The following ERGIC1 variants were observed in gnomAD, a reference collection of about 807,000 sequenced individuals.
The protein encoded by ERGIC1 is endoplasmic reticulum-golgi intermediate compartment 1, also known as endoplasmic reticulum-Golgi intermediate compartment protein 1.
In ERGIC1, 19 loss-of-function variants were observed where a neutral mutation model predicts 38.3. That is an observed-to-expected ratio of 0.50 (90% CI 0.35 to 0.73). The LOEUF (loss-of-function observed/expected upper bound fraction) is 0.73. Ranked by LOEUF, ERGIC1 falls within the 30% of genes least tolerant of loss-of-function variation. The pLI is 0.01. For missense variants in ERGIC1, 294 were observed against 389.2 expected, an observed-to-expected ratio of 0.76 and a Z score of 2.06; for synonymous variants, 124 against 157.6, an observed-to-expected ratio of 0.79 and a Z score of 1.60.
chr5:172,893,935 G>GTGTATATATA (rs1429850022), intron 2 of ERGIC1, among the ~76,000 whole-genome samples: 1 of 42,826 alleles, frequency 2.3e-5, no homozygotes, highest in Non-Finnish European at 4.6e-5. Context: ...GTGTGTGTGT[G>GTGTATATATA]TATATATATA....
Position 172,926,557 on chromosome 5 carries a change from C to G in ERGIC1, c.529C>G (p.Leu177Val). ...CAATGCTCTCGGGGGAGCAGACAGA[C>G]TCACCTCCAACCGTATGTATCCCTG... Reference protein sequence around the residue: ...AFNALGGADRLTSNPLASHDY... With the variant: ...AFNALGGADRVTSNPLASHDY... The change falls in exon 7 of 10, where the codon CTC (leucine) becomes GTC (valine). Residue 177 changes from leucine (L) to valine (V), a missense_variant. This residue lies in a region of ERGIC1 where 109 missense variants were observed against 112.7 expected (regional missense o/e 0.97). Transcript: ENST00000393784. The surrounding 1 kb of genome is among the most constrained non-coding windows in gnomAD (Gnocchi z 5.2). The G allele has an allele frequency of 1.2e-6, 2 of 1,612,752 alleles. No homozygotes were observed. Among genetic ancestry groups the G allele is most frequent in the East Asian group, 2.2e-5 (1 of 44,846 alleles).
intron 7 of ERGIC1, among the ~76,000 whole-genome samples, chr5:172,931,405 G>A (rs1424473444): frequency 3.3e-5 from 5 of 152,106 alleles, no homozygotes; most frequent in African/African-American, 7.2e-5. Context: ...CATTTGCCAC[G>A]GTCCACTTGG....
At chr5:172,948,046 C>G (rs540606989) in intron 9 of ERGIC1, among the ~76,000 whole-genome samples, 1 of 152,298 alleles carries the variant, frequency 6.6e-6, no homozygotes, top group East Asian at 1.9e-4. Context: ...AGCTCCCCTG[C>G]CGTCATCTTC....
chr5:172,888,404 G>A (rs1762474026), intron 1 of ERGIC1, among the ~76,000 whole-genome samples: 1 of 152,022 alleles, frequency 6.6e-6, no homozygotes, highest in Non-Finnish European at 1.5e-5. Context: ...AGGTTGCAGT[G>A]AGCCAAGATT....
At chr5:172,912,925 T>C (rs1763243797) in intron 4 of ERGIC1, among the ~76,000 whole-genome samples, 1 of 152,146 alleles carries the variant, frequency 6.6e-6, no homozygotes, top group African/African-American at 2.4e-5. Context: ...CCTGCCACCA[T>C]GCCCAGCTAA....
chr5:172,876,290 C>T (rs574444737), intron 1 of ERGIC1, among the ~76,000 whole-genome samples: 1 of 152,174 alleles, frequency 6.6e-6, no homozygotes, highest in Admixed American at 6.5e-5. Flanking sequence ...TTTTCTAATT[C>T]TCTTAGTCTT....
At chr5:172,840,095 T>A (rs950298452) in intron 1 of ERGIC1, among the ~76,000 whole-genome samples, 5 of 152,202 alleles carry the variant, frequency 3.3e-5, no homozygotes, top group African/African-American at 1.2e-4. Flanking sequence ...GATTCTGAAA[T>A]GGTCTTTAAA....
Position 172,897,087 on chromosome 5 carries a change from T to C in ERGIC1, c.155+13T>C. ...TAACGACAGAAGTGTAAGTCATACT[T>C]TCCCGATGGGGCATTCCAGGATGTT... On this transcript the variant is annotated intron_variant, in intron 3 of 9. Transcript: ENST00000393784. 4 of 1,612,774 alleles carry C rather than the reference T, an allele frequency of 2.5e-6. No individual in the cohort carries two copies. Among genetic ancestry groups the C allele is most frequent in the Non-Finnish European group, 3.4e-6 (4 of 1,178,788 alleles).
Position 172,888,689 on chromosome 5 carries a change from C to T in ERGIC1, c.21-10C>T. ...GCCCACCTCACTCCTGTTCCATTTG[C>T]TCTCCACAGGTTTGACATCTACAGG... On this transcript the variant is annotated splice_polypyrimidine_tract_variant and intron_variant, in intron 1 of 9. Coordinates refer to ENST00000393784, the MANE Select transcript of ERGIC1 (RefSeq NM_001031711.3). 2 of 1,613,712 alleles carry T rather than the reference C, an allele frequency of 1.2e-6. No homozygotes were observed. The highest frequency in any genetic ancestry group is 1.7e-6 in the Non-Finnish European group (2 of 1,179,658).
chr5:172,897,613 G>T (rs1445963898), intron 3 of ERGIC1, among the ~76,000 whole-genome samples: 1 of 152,196 alleles, frequency 6.6e-6, no homozygotes, highest in East Asian at 1.9e-4. Flanking sequence ...TCCATTCCGT[G>T]GGGGTTCTCC....
intron 7 of ERGIC1, among the ~76,000 whole-genome samples, chr5:172,930,235 A>C (rs1421923108): frequency 1.3e-5 from 2 of 151,820 alleles, no homozygotes; most frequent in African/African-American, 4.8e-5. Flanking sequence ...GGAAAATACA[A>C]ATATATGTAT....
intron 1 of ERGIC1, among the ~76,000 whole-genome samples, chr5:172,852,729 G>C (rs36047096): frequency 0.033 from 5,062 of 152,336 alleles, 102 homozygotes; most frequent in Middle Eastern, 0.075. Context: ...TGTCATCAGC[G>C]GGGATGGTAA....
intron 1 of ERGIC1, among the ~76,000 whole-genome samples, chr5:172,865,451 T>C (rs1428242678): frequency 6.6e-6 from 1 of 152,228 alleles, no homozygotes; most frequent in Admixed American, 6.5e-5. Flanking sequence ...TCTTTCTTTC[T>C]AAATGTTTAA....
chr5:172,921,314 C>T (rs1345720576), intron 5 of ERGIC1, among the ~76,000 whole-genome samples: 1 of 152,222 alleles, frequency 6.6e-6, no homozygotes, highest in Non-Finnish European at 1.5e-5. Flanking sequence ...TGCTGTCCCT[C>T]GAGGGAGATC....
At chr5:172,893,610 GA>G (rs1230293301) in intron 2 of ERGIC1, among the ~76,000 whole-genome samples, 33 of 152,048 alleles carry the variant, frequency 2.2e-4, no homozygotes, top group African/African-American at 8.0e-4. Flanking sequence ...AGTTTTCCAA[GA>G]GGTTTAATAG....
intron 2 of ERGIC1, among the ~76,000 whole-genome samples, chr5:172,894,904 G>T (rs1385536467): frequency 6.6e-6 from 1 of 152,230 alleles, no homozygotes; most frequent in Non-Finnish European, 1.5e-5. Context: ...ACAGATAGAT[G>T]GCTATTTGCT....
chr5:172,909,538 G>C, intron 3 of ERGIC1, 129 bp from the exon 4 acceptor site: 1 of 790,748 alleles, frequency 1.3e-6, no homozygotes, highest in South Asian at 1.5e-5. Context: ...AGGAGGTGCA[G>C]GCTCTGCCCA....
intron 1 of ERGIC1, among the ~76,000 whole-genome samples, chr5:172,842,627 C>G (rs1761186910): frequency 6.6e-6 from 1 of 152,178 alleles, no homozygotes; most frequent in Admixed American, 6.5e-5. Flanking sequence ...TATCTTTCCT[C>G]CCCACCAACG....
intron 9 of ERGIC1, among the ~76,000 whole-genome samples, chr5:172,946,322 C>G (rs1431329228): frequency 1.3e-5 from 2 of 152,230 alleles, no homozygotes; most frequent in African/African-American, 4.8e-5. Flanking sequence ...CTCCCAGGCC[C>G]CATCCCCACA....
Sources: allele counts gnomAD v4.1 joint callset (sites outside exome capture counted in the v4.1 genomes callset), GRCh38; gene constraint gnomAD v4.1.1; regional missense constraint gnomAD v4.1.1; non-coding constraint Gnocchi (gnomAD v3.1); transcripts MANE v1.5; gene names NCBI Gene and HGNC (gene_info 2026-07-23, HGNC 2026-07-21).